VAC14: variants seen among roughly 807,000 people sequenced by gnomAD.
The protein encoded by VAC14 is VAC14 component of PIKFYVE complex, also known as protein VAC14 homolog.
In VAC14, 47 loss-of-function variants were observed where a neutral mutation model predicts 85.3. The ratio of observed to expected loss-of-function variants is 0.55; its 90% confidence interval spans 0.44 to 0.70. The LOEUF (loss-of-function observed/expected upper bound fraction) is 0.70, where lower values mean the gene tolerates loss of function less well. VAC14 is among the 30% of genes least tolerant of loss of function. The probability of loss-of-function intolerance (pLI) is 0.00; values close to 1 mark genes in which losing one functional copy is unlikely to be tolerated. For synonymous variants in VAC14, 447 were observed against 430.5 expected, an observed-to-expected ratio of 1.04 and a Z score of -0.47; for missense variants, 861 against 1,004.3, an observed-to-expected ratio of 0.86 and a Z score of 1.93.
intron 9 of VAC14, among the ~76,000 whole-genome samples, chr16:70,779,872 T>C (rs1429166317): frequency 6.6e-6 from 1 of 152,090 alleles, no homozygotes; most frequent in African/African-American, 2.4e-5. Flanking sequence ...TCTTTCTCTG[T>C]TGCCTAGGTT....
chr16:70,717,637 G>C (rs2054195273), intron 14 of VAC14, among the ~76,000 whole-genome samples: 1 of 152,054 alleles, frequency 6.6e-6, no homozygotes, highest in Non-Finnish European at 1.5e-5. Context: ...GAGAGTGCTG[G>C]GGTTTGAGTA....
intron 1 of VAC14, among the ~76,000 whole-genome samples, chr16:70,789,539 G>A (rs1415776965): frequency 6.6e-6 from 1 of 152,226 alleles, no homozygotes; most frequent in African/African-American, 2.4e-5. Context: ...ATTCTCGCCT[G>A]CCACGCGGGA....
At chr16:70,794,304 C>T (rs1269120014) in intron 1 of VAC14, among the ~76,000 whole-genome samples, 1 of 152,236 alleles carries the variant, frequency 6.6e-6, no homozygotes, top group Non-Finnish European at 1.5e-5. Context: ...TTCCCCCGCG[C>T]CCTAGGCAAG....
intron 12 of VAC14, among the ~76,000 whole-genome samples, chr16:70,758,984 G>A (rs533143716): frequency 9.8e-5 from 15 of 152,348 alleles, no homozygotes; most frequent in African/African-American, 3.4e-4. Context: ...CCAGAGGGTG[G>A]AGACTAACGA....
chr16:70,779,694 G>C (rs1418458813), intron 9 of VAC14, among the ~76,000 whole-genome samples: 1 of 152,198 alleles, frequency 6.6e-6, no homozygotes, highest in Admixed American at 6.5e-5. Context: ...TACTCTGGCT[G>C]CTTCGGCAAA....
At chr16:70,714,643 C>G (rs973656503) in intron 14 of VAC14, 2 of 152,164 alleles carry the variant, frequency 1.3e-5, no homozygotes, top group Non-Finnish European at 2.9e-5. Context: ...TGACTGAAGC[C>G]AGCGTACCCT....
intron 18 of VAC14, chr16:70,690,045 C>T: frequency 1.0e-6 from 1 of 985,486 alleles, no homozygotes; most frequent in Non-Finnish European, 1.2e-6. Context: ...CAAGCCAAGG[C>T]CTTAGGTTAG....
intron 1 of VAC14, among the ~76,000 whole-genome samples, chr16:70,790,178 C>G (rs1000548875): frequency 6.6e-6 from 1 of 152,148 alleles, no homozygotes; most frequent in African/African-American, 2.4e-5. Context: ...CGGGGCAGGC[C>G]AGAAAGAGAA....
chr16:70,691,282 G>T (rs953978963), intron 18 of VAC14: 2 of 985,314 alleles, frequency 2.0e-6, no homozygotes, highest in Non-Finnish European at 2.4e-6. Flanking sequence ...AGGACTCCCA[G>T]GAAGGCAGGC....
At chr16:70,767,923 C>A (rs2032936441) in intron 10 of VAC14, among the ~76,000 whole-genome samples, 1 of 152,126 alleles carries the variant, frequency 6.6e-6, no homozygotes, top group South Asian at 2.1e-4. Flanking sequence ...CTTGCTCTGT[C>A]ACCCAGGCTG....
chr16:70,703,678 C>T (rs948755062), intron 14 of VAC14, among the ~76,000 whole-genome samples: 3 of 152,202 alleles, frequency 2.0e-5, no homozygotes, highest in Admixed American at 1.3e-4. Context: ...AGCTGCTCCC[C>T]CTTCCAGGTC....
intron 1 of VAC14, among the ~76,000 whole-genome samples, chr16:70,800,280 G>C (rs183160729): frequency 6.6e-6 from 1 of 152,198 alleles, no homozygotes; most frequent in Non-Finnish European, 1.5e-5. Context: ...TTGCAGGGAA[G>C]GGTGTTATAA....
At chr16:70,699,124 C>G (rs2053771745) in intron 14 of VAC14, 1 of 310,786 alleles carries the variant, frequency 3.2e-6, no homozygotes, top group Non-Finnish European at 6.2e-6. Flanking sequence ...TTCCTGAGAT[C>G]CCGTCACCTT....
Position 70,762,622 on chromosome 16 carries a change from CA to C in VAC14, c.1306-18del, listed in dbSNP as rs2032490092. The C allele has an allele frequency of 6.2e-7, 1 of 1,613,756 alleles. No homozygotes were observed. Among genetic ancestry groups the C allele is most frequent in the Non-Finnish European group, 8.5e-7 (1 of 1,179,802 alleles). ...CCGGAACATCTGGAGGGCAGAGAAG[CA>C]GGGGTGCCCGTGAGTGCTCCCTTCG... On this transcript the variant is annotated intron_variant, in intron 11 of 18. Coordinates refer to ENST00000261776, the MANE Select transcript of VAC14 (RefSeq NM_018052.5). The surrounding 1 kb of genome is among the most constrained non-coding windows in gnomAD (Gnocchi z 4.1).
At chr16:70,787,478 C>T (rs752841068) in intron 1 of VAC14, among the ~76,000 whole-genome samples, 4 of 151,922 alleles carry the variant, frequency 2.6e-5, no homozygotes, top group African/African-American at 4.8e-5. Context: ...GAGGATGACT[C>T]CCAAGGCAGG....
chr16:70,768,436 T>C (rs2032973883), intron 10 of VAC14: 1 of 182,288 alleles, frequency 5.5e-6, no homozygotes, highest in East Asian at 1.8e-4. Flanking sequence ...CAAGCATGCT[T>C]CCTCCAACCG....
At chr16:70,737,378 G>GAA (rs2054791870) in intron 13 of VAC14, among the ~76,000 whole-genome samples, 2 of 152,190 alleles carry the variant, frequency 1.3e-5, no homozygotes, top group African/African-American at 4.8e-5. Flanking sequence ...GCTGCAGCAG[G>GAA]GGGCGAGGGA....
At chr16:70,729,565 C>T (rs879603108) in intron 14 of VAC14, among the ~76,000 whole-genome samples, 2 of 152,070 alleles carry the variant, frequency 1.3e-5, no homozygotes, top group Admixed American at 6.5e-5. Flanking sequence ...AGACCATCCC[C>T]GGGTCTCACC....
At position 70,687,963 on chromosome 16, in the gene VAC14, G is replaced by A. The variant is rs1199956678; in HGVS notation, c.2314C>T (p.Arg772Cys). 15 of 1,587,678 alleles carry A rather than the reference G, an allele frequency of 9.4e-6. No homozygotes were observed. The highest frequency in any genetic ancestry group is 2.0e-4 in the Middle Eastern group (1 of 4,946). ...HLEVRHQRSG[R>C]GDHLDRRVVL ...ACCCTCCGGTCCAGGTGGTCCCCACGCCCGCTCCGCTGGTGCCGCACTTCC... is the reference window on the plus strand; with the variant it reads ...ACCCTCCGGTCCAGGTGGTCCCCACACCCGCTCCGCTGGTGCCGCACTTCC... Residue 772 changes from arginine to cysteine, a missense_variant, in exon 19 of 19, where the codon CGT becomes TGT. By Grantham distance (180) the Arg-to-Cys change is radical. Coordinates refer to ENST00000261776, the MANE Select transcript of VAC14 (RefSeq NM_018052.5).
Sources: allele counts gnomAD v4.1 joint callset (sites outside exome capture counted in the v4.1 genomes callset), GRCh38; gene constraint gnomAD v4.1.1; non-coding constraint Gnocchi (gnomAD v3.1); transcripts MANE v1.5; gene names NCBI Gene and HGNC (gene_info 2026-07-23, HGNC 2026-07-21).